UNC13C: variants seen among roughly 807,000 people sequenced by gnomAD.
UNC13C encodes the protein unc-13 homolog C, also known as protein unc-13 homolog C.
Under a neutral mutation model 245.4 loss-of-function variants are expected in UNC13C, and 174 were observed. That is an observed-to-expected ratio of 0.71 (90% confidence interval 0.63 to 0.80). The LOEUF (loss-of-function observed/expected upper bound fraction) is 0.80, where lower values mean the gene tolerates loss of function less well. Ranked by LOEUF, UNC13C falls within the 30% of genes least tolerant of loss-of-function variation. The pLI is 0.00. For missense variants in UNC13C, 2,829 were observed against 2,602.9 expected (o/e 1.09, Z -1.89); for synonymous variants, 992 against 895.1 (o/e 1.11, Z -1.93).
the UNC13C span, among the ~76,000 whole-genome samples, chr15:53,953,430 A>G: frequency 1.3e-5 from 2 of 152,204 alleles, no homozygotes; most frequent in African/African-American, 4.8e-5. Flanking sequence ...CTTCTGTCCA[A>G]TTCAACCCTA....
chr15:54,012,930 G>A lies in UNC13C; in HGVS notation c.27G>A (p.Leu9=). Residue 9 remains leucine (L), a synonymous_variant, in exon 2 of 33, where the codon TTG becomes TTA. Transcript: ENST00000260323. The part of the protein sequence containing the change: MVANFFKS[L]ILPYIHKLCK... ...TGGTGGCTAATTTTTTCAAGAGCTT[G>A]ATTTTACCTTACATTCATAAGCTTT... is the stretch of plus-strand genomic sequence containing the variant. The A allele has an allele frequency of 6.2e-7, 1 of 1,604,814 alleles. No individual in the cohort carries two copies. Among genetic ancestry groups the A allele is most frequent in the Non-Finnish European group, 8.5e-7 (1 of 1,176,238 alleles).
chr15:54,528,059 A>G (rs1895555675), intron 25 of UNC13C, among the ~76,000 whole-genome samples: 1 of 152,204 alleles, frequency 6.6e-6, no homozygotes, highest in African/African-American at 2.4e-5. Flanking sequence ...TAAAAAATCC[A>G]CTTGATTTTA....
intron 5 of UNC13C, among the ~76,000 whole-genome samples, chr15:54,235,463 AT>A (rs1445042906): frequency 1.3e-5 from 2 of 150,950 alleles, no homozygotes; most frequent in African/African-American, 5.0e-5. Flanking sequence ...TTGAGGCTTT[AT>A]TTAAACTTCT....
the UNC13C span, among the ~76,000 whole-genome samples, chr15:53,961,774 TATGAG>T: frequency 6.6e-6 from 1 of 152,202 alleles, no homozygotes; most frequent in Non-Finnish European, 1.5e-5. Context: ...ACCACACACA[TATGAG>T]ATAATTCACC....
chr15:54,506,292 G>A (rs970487536), intron 22 of UNC13C, among the ~76,000 whole-genome samples: 23 of 152,152 alleles, frequency 1.5e-4, no homozygotes, highest in African/African-American at 5.5e-4. Flanking sequence ...TCAAGAAGCT[G>A]TAGATTGAGA....
intron 2 of UNC13C, chr15:54,050,509 A>G (rs1052560629): frequency 3.3e-5 from 17 of 511,846 alleles, no homozygotes; most frequent in African/African-American, 5.9e-5. Flanking sequence ...ACCTTCTCCA[A>G]TTGTAACTAA....
intron 2 of UNC13C, among the ~76,000 whole-genome samples, chr15:54,113,685 G>A (rs2029998202): frequency 6.6e-6 from 1 of 151,998 alleles, no homozygotes; most frequent in African/African-American, 2.4e-5. Context: ...AATTAGCTGG[G>A]CGTGGTGGCA....
the UNC13C span, among the ~76,000 whole-genome samples, chr15:53,863,494 A>G: frequency 6.6e-6 from 1 of 152,218 alleles, no homozygotes; most frequent in Non-Finnish European, 1.5e-5. Flanking sequence ...TCATAATGAT[A>G]TTGTTATACA....
At chr15:54,486,620 C>T (rs900010842) in intron 19 of UNC13C, among the ~76,000 whole-genome samples, 7 of 152,082 alleles carry the variant, frequency 4.6e-5, no homozygotes, top group African/African-American at 1.7e-4. Context: ...GGTAAATATG[C>T]AAAGTAAGTG....
chr15:54,425,539 A>C (rs569381846), intron 19 of UNC13C, among the ~76,000 whole-genome samples: 1 of 151,970 alleles, frequency 6.6e-6, no homozygotes, highest in South Asian at 2.1e-4. Context: ...GAATTAAGTG[A>C]TTCCTTTCTC....
At chr15:54,100,105 C>CAAAA (rs56058415) in intron 2 of UNC13C, among the ~76,000 whole-genome samples, 1 of 111,898 alleles carries the variant, frequency 8.9e-6, no homozygotes, top group African/African-American at 3.6e-5. Flanking sequence ...TACTCTGTCT[C>CAAAA]AAAAAAAAAA....
At chr15:53,917,530 G>A in the UNC13C span, among the ~76,000 whole-genome samples, 1 of 152,214 alleles carries the variant, frequency 6.6e-6, no homozygotes, top group South Asian at 2.1e-4. Flanking sequence ...TACTGGTGGA[G>A]ATCCAGGGAA....
chr15:53,962,163 C>T, the UNC13C span, among the ~76,000 whole-genome samples: 1 of 151,966 alleles, frequency 6.6e-6, no homozygotes, highest in Non-Finnish European at 1.5e-5. Context: ...TTCCTGATTC[C>T]TGCTTGTATT....
At chr15:53,888,818 A>G in the UNC13C span, among the ~76,000 whole-genome samples, 4 of 152,096 alleles carry the variant, frequency 2.6e-5, no homozygotes, top group African/African-American at 9.7e-5. Context: ...TCTTTTCCCC[A>G]TTGCTTATTT....
chr15:54,038,918 T>C (rs578213504), intron 2 of UNC13C, among the ~76,000 whole-genome samples: 2 of 152,210 alleles, frequency 1.3e-5, no homozygotes, highest in Non-Finnish European at 2.9e-5. Flanking sequence ...GTAGCCTCTC[T>C]GTGGTAAATT....
chr15:54,528,831 T>A (rs1404674496), intron 25 of UNC13C, among the ~76,000 whole-genome samples: 1 of 152,200 alleles, frequency 6.6e-6, no homozygotes, highest in African/African-American at 2.4e-5. Context: ...TCAGCATGAT[T>A]TGCCTTCCTC....
intron 22 of UNC13C, among the ~76,000 whole-genome samples, chr15:54,506,559 T>C (rs1200685161): frequency 2.6e-5 from 4 of 152,094 alleles, no homozygotes; most frequent in Admixed American, 6.6e-5. Context: ...GTGTGTTATC[T>C]CTTATTTCAG....
intron 30 of UNC13C, among the ~76,000 whole-genome samples, chr15:54,613,892 T>C (rs1263319980): frequency 1.3e-5 from 2 of 152,000 alleles, no homozygotes; most frequent in East Asian, 1.9e-4. Context: ...CTTTCCGTTA[T>C]GGAGCTTATA....
intron 18 of UNC13C, among the ~76,000 whole-genome samples, chr15:54,411,025 T>A (rs1463807068): frequency 6.6e-6 from 1 of 152,022 alleles, no homozygotes; most frequent in Non-Finnish European, 1.5e-5. Context: ...CTGCCTTTTG[T>A]TTTTTTTAAG....
Sources: allele counts gnomAD v4.1 joint callset (sites outside exome capture counted in the v4.1 genomes callset), GRCh38; gene constraint gnomAD v4.1.1; transcripts MANE v1.5; gene names NCBI Gene and HGNC (gene_info 2026-07-23, HGNC 2026-07-21).